Variants in UAP1 observed in about 807,000 individuals in gnomAD.
The protein encoded by UAP1 is UDP-N-acetylglucosamine pyrophosphorylase 1.
In UAP1, 25 loss-of-function variants were observed where a neutral mutation model predicts 58.5. The observed-to-expected ratio is 0.43, with a 90% CI of 0.31 to 0.60. UAP1 has a LOEUF of 0.60. UAP1 is among the 20% of genes least tolerant of loss of function. The probability of loss-of-function intolerance (pLI) is 0.11; values close to 1 mark genes in which losing one functional copy is unlikely to be tolerated. For synonymous variants in UAP1, 208 were observed against 213.0 expected, an observed-to-expected ratio of 0.98 and a Z score of 0.21; for missense variants, 575 against 630.0, an observed-to-expected ratio of 0.91 and a Z score of 0.93.
chr1:162,588,596 G>T (rs1031002667), intron 6 of UAP1, 97 bp from the exon 7 acceptor site: 2 of 1,287,900 alleles, frequency 1.6e-6, no homozygotes, highest in African/African-American at 1.5e-5. Flanking sequence ...GAAAATCTTA[G>T]TATTGGTTGT....
At chr1:162,594,477 A>G (rs1571095164) in intron 9 of UAP1, among the ~76,000 whole-genome samples, 1 of 152,180 alleles carries the variant, frequency 6.6e-6, no homozygotes, top group African/African-American at 2.4e-5. Context: ...CTAACAGGCC[A>G]CAGAGTAGTA....
At chr1:162,588,985 G>A in intron 7 of UAP1, 152 bp downstream of exon 7, 2 of 764,302 alleles carry the variant, frequency 2.6e-6, no homozygotes, top group Non-Finnish European at 3.6e-6. Context: ...ATTCATTATA[G>A]TTCTCTGGAA....
chr1:162,566,348 G>T lies in UAP1; in HGVS notation c.280G>T (p.Gly94Ter). 6.2e-7 allele frequency: 1 copy of T among 1,611,476 alleles called. No homozygotes were observed. The change falls in exon 2 of 11, where the codon GGA becomes TGA. Residue 94 changes from glycine to a stop codon, truncating the protein, a stop_gained and splice_region_variant. Coordinates refer to ENST00000271469, the Ensembl canonical transcript of UAP1. LOFTEE classifies it high-confidence loss of function. ...TCAGCTCCAGGCCTGGGAAAGTGAAGGTACTGGGCATGTACATATTTCTTA... is the reference window on the plus strand; with the variant it reads ...TCAGCTCCAGGCCTGGGAAAGTGAATGTACTGGGCATGTACATATTTCTTA...
At chr1:162,598,897 T>C (rs1655767713) in intron 10 of UAP1, among the ~76,000 whole-genome samples, 1 of 152,020 alleles carries the variant, frequency 6.6e-6, no homozygotes, top group African/African-American at 2.4e-5. Context: ...GCGCCTGTAG[T>C]TCCACCTACT....
At chr1:162,575,505 C>T (rs574634887) in intron 2 of UAP1, among the ~76,000 whole-genome samples, 1 of 151,962 alleles carries the variant, frequency 6.6e-6, no homozygotes, top group South Asian at 2.1e-4. Flanking sequence ...AGTCTTAGCT[C>T]ACTGCAACCT....
At chr1:162,590,570 T>TTCTC (rs113405147) in intron 8 of UAP1, 59 bp downstream of exon 8, 15,619 of 1,289,934 alleles carry the variant, frequency 0.012, 35 homozygotes, top group Middle Eastern at 0.022. Context: ...CCTCTTGGAC[T>TTCTC]TCTCTCTCTC....
intron 2 of UAP1, among the ~76,000 whole-genome samples, chr1:162,575,287 T>C (rs1183234682): frequency 6.6e-6 from 1 of 152,096 alleles, no homozygotes; most frequent in African/African-American, 2.4e-5. Context: ...CAGGCTGGTC[T>C]TGAACTCCTG....
chr1:162,579,698 T>A, intron 4 of UAP1, 95 bp downstream of exon 4: 1 of 1,102,138 alleles, frequency 9.1e-7, no homozygotes, highest in Non-Finnish European at 1.3e-6. Context: ...TTTTGATATT[T>A]AAACATTAAT....
At chr1:162,566,629 A>G (rs1334767725) in intron 2 of UAP1, among the ~76,000 whole-genome samples, 1 of 151,220 alleles carries the variant, frequency 6.6e-6, no homozygotes, top group African/African-American at 2.4e-5. Flanking sequence ...AAGCTGGCTT[A>G]ATTTTTTTTT....
At chr1:162,574,987 A>C (rs1450774508) in intron 2 of UAP1, among the ~76,000 whole-genome samples, 1 of 152,248 alleles carries the variant, frequency 6.6e-6, no homozygotes, top group East Asian at 1.9e-4. Flanking sequence ...CAGACCAAAG[A>C]AATAAATCAG....
chr1:162,569,100 A>G (rs1653703377), intron 2 of UAP1, among the ~76,000 whole-genome samples: 2 of 152,212 alleles, frequency 1.3e-5, no homozygotes, highest in Non-Finnish European at 2.9e-5. Context: ...TATCCTTTTC[A>G]CTTAGCCAGA....
At chr1:162,568,305 A>G (rs562588140) in intron 2 of UAP1, among the ~76,000 whole-genome samples, 1 of 152,254 alleles carries the variant, frequency 6.6e-6, no homozygotes, top group South Asian at 2.1e-4. Flanking sequence ...CTGATTTTCA[A>G]AGGGTGTTCC....
At chr1:162,570,514 A>G (rs931426945) in intron 2 of UAP1, among the ~76,000 whole-genome samples, 10 of 151,750 alleles carry the variant, frequency 6.6e-5, no homozygotes, top group Non-Finnish European at 8.8e-5. Context: ...CCCAAACATC[A>G]TGTTATTTTT....
intron 9 of UAP1, chr1:162,593,088 C>T (rs1655417088): frequency 2.4e-6 from 1 of 411,878 alleles, no homozygotes; most frequent in South Asian, 4.9e-5. Flanking sequence ...TCAGGGAGAA[C>T]ACATTTTGCA....
intron 2 of UAP1, among the ~76,000 whole-genome samples, chr1:162,568,618 G>T (rs1381805694): frequency 6.6e-6 from 1 of 152,210 alleles, no homozygotes; most frequent in Admixed American, 6.5e-5. Context: ...AGAGAATGAT[G>T]CCTAGGTATG....
intron 1 of UAP1, among the ~76,000 whole-genome samples, chr1:162,563,512 G>C (rs1028328183): frequency 6.6e-6 from 1 of 152,000 alleles, no homozygotes; most frequent in Non-Finnish European, 1.5e-5. Context: ...CTACAGGCGC[G>C]TGCCACCATG....
chr1:162,595,874 C>T (rs982148068), intron 9 of UAP1, among the ~76,000 whole-genome samples: 6 of 152,180 alleles, frequency 3.9e-5, no homozygotes, highest in Admixed American at 6.5e-5. Flanking sequence ...ATTTTTGAGA[C>T]AGTGTCTTGC....
exon 9 of UAP1, chr1:162,592,764 C>G: frequency 6.4e-7 from 1 of 1,550,412 alleles, no homozygotes; most frequent in Non-Finnish European, 8.7e-7. Context: ...GAGACCATCA[C>G]AGCTGATGTC....
intron 1 of UAP1, among the ~76,000 whole-genome samples, chr1:162,565,291 T>C (rs1372068909): frequency 6.6e-6 from 1 of 152,218 alleles, no homozygotes; most frequent in Non-Finnish European, 1.5e-5. Flanking sequence ...TCTTATTTTT[T>C]AGCACTATGA....
Sources: allele counts gnomAD v4.1 joint callset (sites outside exome capture counted in the v4.1 genomes callset), GRCh38; gene constraint gnomAD v4.1.1; transcripts MANE v1.5; gene names NCBI Gene and HGNC (gene_info 2026-07-23, HGNC 2026-07-21).